Variants in PACRG observed in about 807,000 individuals in gnomAD.
The protein encoded by PACRG is parkin coregulated.
In PACRG, 29 loss-of-function variants were observed where a neutral mutation model predicts 29.7. The observed-to-expected ratio is 0.98, with a 90% confidence interval of 0.73 to 1.33. The LOEUF (loss-of-function observed/expected upper bound fraction) is 1.33. Ranked by LOEUF, PACRG falls within the 40% of genes most tolerant of loss-of-function variation. PACRG has a pLI of 0.00. For missense variants in PACRG, 279 were observed against 316.2 expected, an observed-to-expected ratio of 0.88 and a Z score of 0.89; for synonymous variants, 116 against 118.7, an observed-to-expected ratio of 0.98 and a Z score of 0.15.
At chr6:162,901,311 C>A (rs1219907895) in intron 2 of PACRG, among the ~76,000 whole-genome samples, 1 of 152,102 alleles carries the variant, frequency 6.6e-6, no homozygotes, top group Non-Finnish European at 1.5e-5. Context: ...AGGTGATGAG[C>A]CTCTTACTAC....
At chr6:162,824,617 T>A (rs1788123764) in intron 2 of PACRG, among the ~76,000 whole-genome samples, 1 of 152,166 alleles carries the variant, frequency 6.6e-6, no homozygotes, top group South Asian at 2.1e-4. Flanking sequence ...CTGAGTCCAA[T>A]TCATTTTTGT....
intron 2 of PACRG, among the ~76,000 whole-genome samples, chr6:162,947,012 C>T (rs1799060049): frequency 6.6e-6 from 1 of 151,786 alleles, no homozygotes; most frequent in African/African-American, 2.4e-5. Flanking sequence ...AAACACACAG[C>T]TAACATCATA....
intron 2 of PACRG, among the ~76,000 whole-genome samples, chr6:162,819,884 C>A (rs965900670): frequency 1.3e-5 from 2 of 152,050 alleles, no homozygotes; most frequent in Admixed American, 1.3e-4. Flanking sequence ...CTTCAAAGAA[C>A]AAATATTGAG....
At chr6:162,903,435 A>G (rs1490498426) in intron 2 of PACRG, among the ~76,000 whole-genome samples, 1 of 152,222 alleles carries the variant, frequency 6.6e-6, no homozygotes, top group Non-Finnish European at 1.5e-5. Flanking sequence ...AAGAGGTTTA[A>G]TGGACTCACA....
At chr6:163,127,529 TATTGTTAAATAAGA>T (rs550358420) in intron 4 of PACRG, among the ~76,000 whole-genome samples, 59 of 152,320 alleles carry the variant, frequency 3.9e-4, no homozygotes, top group African/African-American at 1.3e-3. Flanking sequence ...TCACATTCAC[TATTGTTAAATAAGA>T]ATCTTCAGGT....
chr6:162,978,669 A>AT (rs1331807964), intron 2 of PACRG, among the ~76,000 whole-genome samples: 134 of 152,356 alleles, frequency 8.8e-4, no homozygotes, highest in African/African-American at 2.8e-3. Context: ...TTCTAAAAAA[A>AT]ACTGTAGAAA....
intron 4 of PACRG, chr6:163,190,768 C>G: frequency 3.4e-6 from 1 of 293,648 alleles, no homozygotes; most frequent in Non-Finnish European, 6.8e-6. Context: ...TACCAAAAAG[C>G]CCACTCAAAT....
chr6:162,727,736 T>G (rs777729617), upstream of PACRG: 7 of 1,507,278 alleles, frequency 4.6e-6, no homozygotes, highest in African/African-American at 4.2e-5. Context: ...CAGCCGCGCC[T>G]CCCACCAGCG....
chr6:163,234,876 T>G (rs1295566971), intron 4 of PACRG, among the ~76,000 whole-genome samples: 2 of 152,024 alleles, frequency 1.3e-5, no homozygotes, highest in African/African-American at 4.8e-5. Context: ...AAATGAGAGT[T>G]GAGGAAGAGA....
At chr6:163,013,840 T>A (rs1805837250) in intron 2 of PACRG, among the ~76,000 whole-genome samples, 1 of 151,628 alleles carries the variant, frequency 6.6e-6, no homozygotes, top group South Asian at 2.1e-4. Context: ...CAAATATAAT[T>A]GCTTTAAAAT....
chr6:163,100,864 ATT>A (rs1348527348), intron 4 of PACRG: 2 of 983,780 alleles, frequency 2.0e-6, no homozygotes, highest in African/African-American at 3.5e-5. Context: ...TATTATTGAT[ATT>A]TTCTTGCTTG....
intron 2 of PACRG, among the ~76,000 whole-genome samples, chr6:162,973,229 A>G (rs2128161803): frequency 6.6e-6 from 1 of 152,366 alleles, no homozygotes; most frequent in Non-Finnish European, 1.5e-5. Context: ...GTCATGAGGC[A>G]GCAGAGGAGT....
At chr6:163,131,127 G>A (rs1047270761) in intron 4 of PACRG, among the ~76,000 whole-genome samples, 4 of 152,108 alleles carry the variant, frequency 2.6e-5, no homozygotes, top group African/African-American at 9.6e-5. Flanking sequence ...CTAACAGGGT[G>A]AAACCCCGTC....
intron 2 of PACRG, among the ~76,000 whole-genome samples, chr6:162,848,046 G>T (rs1366339071): frequency 6.6e-6 from 1 of 152,088 alleles, no homozygotes; most frequent in Non-Finnish European, 1.5e-5. Flanking sequence ...TGAGGACAGC[G>T]GGAGCTACAG....
chr6:162,936,207 T>A (rs939619459), intron 2 of PACRG, among the ~76,000 whole-genome samples: 1 of 152,156 alleles, frequency 6.6e-6, no homozygotes, highest in Admixed American at 6.5e-5. Context: ...ACCACCCCCA[T>A]GATTCAATTG....
At chr6:163,290,276 GCGCACACACACACA>G (rs1445404282) in intron 4 of PACRG, among the ~76,000 whole-genome samples, 1,613 of 127,704 alleles carry the variant, frequency 0.013, 19 homozygotes, top group African/African-American at 0.032. Context: ...ACGCGCGCGC[GCGCACACACACACA>G]CACACACACA....
chr6:162,796,628 T>C (rs1383072595), intron 1 of PACRG, among the ~76,000 whole-genome samples: 2 of 152,126 alleles, frequency 1.3e-5, no homozygotes, highest in African/African-American at 2.4e-5. Context: ...TCATATTTCA[T>C]AGTGCTTACC....
chr6:163,037,282 T>G (rs1409639016), intron 2 of PACRG, among the ~76,000 whole-genome samples: 7 of 152,226 alleles, frequency 4.6e-5, no homozygotes, highest in Non-Finnish European at 1.0e-4. Flanking sequence ...AGACGCTTAG[T>G]TGGCTTCTGA....
At chr6:163,068,521 T>G (rs548134230) in intron 3 of PACRG, among the ~76,000 whole-genome samples, 2 of 152,144 alleles carry the variant, frequency 1.3e-5, no homozygotes, top group South Asian at 2.1e-4. Flanking sequence ...AAATTTCAAT[T>G]TAGAGACCTA....
Sources: gnomAD v4.1 joint callset for allele counts (sites outside exome capture counted in the v4.1 genomes callset) on GRCh38, gnomAD v4.1.1 for gene constraint, MANE v1.5 for transcripts, NCBI Gene and HGNC (gene_info 2026-07-23, HGNC 2026-07-21) for gene names.